TMEM132D: variants seen among roughly 807,000 people sequenced by gnomAD.
The protein encoded by TMEM132D is mature OL transmembrane protein.
TMEM132D carries 21 observed loss-of-function variants against 62.3 expected under a neutral mutation model. That is an observed-to-expected ratio of 0.34 (90% CI 0.24 to 0.49). TMEM132D has a LOEUF of 0.49. Among genes scored for constraint, TMEM132D ranks in the 20% least tolerant of loss-of-function variants. The pLI is 0.99. For missense variants in TMEM132D, 1,346 were observed against 1,402.8 expected, an observed-to-expected ratio of 0.96 and a Z score of 0.65; for synonymous variants, 621 against 575.6, an observed-to-expected ratio of 1.08 and a Z score of -1.13.
Position 129,539,970 on chromosome 12 carries a change from G to A in TMEM132D, c.969-8765C>T, listed in dbSNP as rs537983009. On this transcript the variant is annotated intron_variant, in intron 2 of 8. Transcript: ENST00000422113. ...GAGCCAAGCGTGGTGTCAAGTCTCC[G>A]GCCAGGCTGGCTGATGGCTTTGGGG... Among the ~76,000 whole-genome samples the A allele has an allele frequency of 1.4e-3, 217 of 152,232 alleles. 2 individuals are homozygous for A. Among genetic ancestry groups the A allele is most frequent in the African/African-American group, 5.0e-3 (207 of 41,536 alleles).
At chr12:129,902,148 C>G (rs1203743836) in intron 1 of TMEM132D, among the ~76,000 whole-genome samples, 1 of 152,182 alleles carries the variant, frequency 6.6e-6, no homozygotes, top group Non-Finnish European at 1.5e-5. Context: ...CTGTCTTCAT[C>G]TATTATCAGA....
intron 4 of TMEM132D, among the ~76,000 whole-genome samples, chr12:129,228,602 C>T (rs982747351): frequency 8.5e-5 from 13 of 152,144 alleles, no homozygotes; most frequent in African/African-American, 2.7e-4. Flanking sequence ...CAACCTGAAT[C>T]GAATCATGTG....
At chr12:129,368,590 T>A (rs902227110) in intron 3 of TMEM132D, among the ~76,000 whole-genome samples, 6 of 151,902 alleles carry the variant, frequency 3.9e-5, no homozygotes, top group African/African-American at 4.8e-5. Flanking sequence ...ATTATTATTA[T>A]TTTTTTTACA....
intron 4 of TMEM132D, among the ~76,000 whole-genome samples, chr12:129,304,593 T>C (rs1220985484): frequency 6.6e-6 from 1 of 151,384 alleles, no homozygotes; most frequent in African/African-American, 2.4e-5. Flanking sequence ...CCTAGCTCTT[T>C]CCCATTTATA....
At chr12:129,380,706 C>A (rs982839643) in intron 3 of TMEM132D, among the ~76,000 whole-genome samples, 2 of 152,142 alleles carry the variant, frequency 1.3e-5, no homozygotes, top group African/African-American at 4.8e-5. Context: ...CCATAGTCAC[C>A]TCGCCCTCTC....
chr12:129,402,822 T>C (rs112593354), intron 3 of TMEM132D, among the ~76,000 whole-genome samples: 1 of 145,016 alleles, frequency 6.9e-6, no homozygotes, highest in Admixed American at 6.7e-5. Context: ...TTGTGTGAGA[T>C]TGAGGACTGG....
chr12:129,880,943 T>C (rs1196298642), intron 1 of TMEM132D, among the ~76,000 whole-genome samples: 4 of 152,046 alleles, frequency 2.6e-5, no homozygotes, highest in African/African-American at 9.7e-5. Context: ...TCAGAATGAG[T>C]ATAAAGTAAC....
chr12:129,735,485 C>T (rs1186050498), intron 1 of TMEM132D, among the ~76,000 whole-genome samples: 1 of 152,068 alleles, frequency 6.6e-6, no homozygotes, highest in East Asian at 1.9e-4. Context: ...ACAAATGATA[C>T]TATATTTTAG....
Position 129,078,570 on chromosome 12 carries a change from A to C in TMEM132D, c.2079T>G (p.Thr693=). The change falls in exon 8 of 9, where the codon ACT becomes ACG. Residue 693 remains threonine (T), a synonymous_variant. Transcript: ENST00000422113. ...TCTGCAGAAGTTCCTGAGCCACTGCAGTGGCAAAGATGGCCCTGTTGCTTC... is the reference window on the plus strand; with the variant it reads ...TCTGCAGAAGTTCCTGAGCCACTGCCGTGGCAAAGATGGCCCTGTTGCTTC... ...SPGSNRAIFA[T]AVAQELLQRP... The C allele has an allele frequency of 6.2e-7, 1 of 1,614,102 alleles. No individual in the cohort carries two copies. The highest frequency in any genetic ancestry group is 1.1e-5 in the South Asian group (1 of 91,080).
intron 5 of TMEM132D, among the ~76,000 whole-genome samples, chr12:129,207,384 T>C (rs1167583491): frequency 6.6e-6 from 1 of 151,616 alleles, no homozygotes; most frequent in Non-Finnish European, 1.5e-5. Context: ...ATATATAGTG[T>C]ATCTGTGAAT....
intron 3 of TMEM132D, among the ~76,000 whole-genome samples, chr12:129,513,848 ATTT>A (rs563785171): frequency 1.8e-5 from 2 of 112,716 alleles, no homozygotes; most frequent in African/African-American, 6.9e-5. Context: ...TTATTTATTT[ATTT>A]TTTTGAGACG....
chr12:129,319,432 T>C lies in TMEM132D; in HGVS notation c.1299+18202A>G, dbSNP rs186429328. Among the ~76,000 whole-genome samples the C allele has an allele frequency of 1.8e-4, 28 of 152,302 alleles. No homozygotes were observed. The East Asian group carries it at 4.8e-3, about 26-fold the overall frequency. ...GGTCTCCCTTTCCCACTTTCACAGT[T>C]GGGGCACCCACAGTATTCGGGGTGT... is the stretch of plus-strand genomic sequence containing the variant. On this transcript the variant is annotated intron_variant, in intron 4 of 8. Transcript: ENST00000422113.
chr12:129,704,684 GGTCATATGGTAACA>G (rs573585187), intron 1 of TMEM132D, among the ~76,000 whole-genome samples: 2,922 of 152,244 alleles, frequency 0.019, 40 homozygotes, highest in Admixed American at 0.046. Flanking sequence ...AGGGATGCCG[GGTCATATGGTAACA>G]TGCAACGCCA....
intron 2 of TMEM132D, among the ~76,000 whole-genome samples, chr12:129,640,621 A>C (rs1281091722): frequency 6.6e-6 from 1 of 152,154 alleles, no homozygotes; most frequent in Non-Finnish European, 1.5e-5. Flanking sequence ...GCCCCATCTC[A>C]CTTCTGGTCA....
intron 4 of TMEM132D, among the ~76,000 whole-genome samples, chr12:129,285,675 GT>G (rs1881276966): frequency 6.6e-6 from 1 of 152,030 alleles, no homozygotes; most frequent in African/African-American, 2.4e-5. Flanking sequence ...TTTCATCATT[GT>G]TTTTTCAAAT....
chr12:129,249,304 T>A (rs578098383), intron 4 of TMEM132D, among the ~76,000 whole-genome samples: 110 of 152,366 alleles, frequency 7.2e-4, no homozygotes, highest in Middle Eastern at 6.8e-3. Context: ...CTCCCTTGAC[T>A]TCATGAGCTC....
Position 129,158,529 on chromosome 12 carries a change from A to T in TMEM132D, c.1443+50991T>A, listed in dbSNP as rs377691381. On this transcript the variant is annotated intron_variant, in intron 5 of 8. Transcript: ENST00000422113. ...TTATTAGGTAATCATCTGTTGGCAT[A>T]GAAGTATATCCAGGCATTGATTGAA... 5.9e-5 allele frequency among the ~76,000 whole-genome samples: 9 copies of T among 152,374 alleles called. No homozygotes were observed. In the East Asian group the frequency reaches 9.6e-4, roughly 16 times the overall value.
intron 4 of TMEM132D, among the ~76,000 whole-genome samples, chr12:129,215,772 A>C (rs1039147835): frequency 2.6e-5 from 4 of 152,214 alleles, no homozygotes; most frequent in African/African-American, 9.6e-5. Context: ...TAATGGACTC[A>C]GTTCCAGGTG....
intron 3 of TMEM132D, among the ~76,000 whole-genome samples, chr12:129,414,089 C>T (rs956988944): frequency 2.0e-5 from 3 of 152,200 alleles, no homozygotes; most frequent in African/African-American, 7.2e-5. Context: ...AACTCAGTTA[C>T]CATGTGAGCA....
Sources: gnomAD v4.1 joint callset for allele counts (sites outside exome capture counted in the v4.1 genomes callset) on GRCh38, gnomAD v4.1.1 for gene constraint, MANE v1.5 for transcripts, NCBI Gene and HGNC (gene_info 2026-07-23, HGNC 2026-07-21) for gene names.